The following C8orf34 variants were observed in gnomAD, a reference collection of about 807,000 sequenced individuals.
C8orf34 encodes the protein uncharacterized protein C8orf34.
In C8orf34, 65 loss-of-function variants were observed where a neutral mutation model predicts 68.3. That is an observed-to-expected ratio of 0.95 (90% CI 0.78 to 1.17). The LOEUF is 1.17. Among genes scored for constraint, C8orf34 ranks in the 50% most tolerant of loss-of-function variants. C8orf34 has a pLI of 0.00. For missense variants in C8orf34, 664 were observed against 655.4 expected, an observed-to-expected ratio of 1.01 and a Z score of -0.14; for synonymous variants, 244 against 241.2, an observed-to-expected ratio of 1.01 and a Z score of -0.11.
At chr8:68,484,136 G>A (rs1212857549) in intron 4 of C8orf34, among the ~76,000 whole-genome samples, 1 of 152,244 alleles carries the variant, frequency 6.6e-6, no homozygotes. Context: ...GGAACTAGCA[G>A]TCAAATGGCG....
intron 12 of C8orf34, among the ~76,000 whole-genome samples, chr8:68,797,886 G>A (rs980046406): frequency 6.6e-6 from 1 of 152,188 alleles, no homozygotes; most frequent in Non-Finnish European, 1.5e-5. Context: ...CAGGACTTTG[G>A]TGCTTTGTTA....
At chr8:68,437,234 T>G (rs1253827469) in intron 1 of C8orf34, among the ~76,000 whole-genome samples, 1 of 152,204 alleles carries the variant, frequency 6.6e-6, no homozygotes, top group Non-Finnish European at 1.5e-5. Context: ...TAATCCATCT[T>G]CTAAAGAAAA....
chr8:68,794,480 T>C (rs991257196), intron 12 of C8orf34, among the ~76,000 whole-genome samples: 2 of 107,328 alleles, frequency 1.9e-5, no homozygotes, highest in Non-Finnish European at 3.4e-5. Flanking sequence ...TATATAAATA[T>C]AAATATATAT....
chr8:68,652,329 A>G (rs899691109), intron 8 of C8orf34, among the ~76,000 whole-genome samples: 6 of 152,224 alleles, frequency 3.9e-5, no homozygotes, highest in Admixed American at 3.9e-4. Context: ...TTTATCAGAT[A>G]CATGGTTTGC....
chr8:68,529,743 T>A (rs1815166147), intron 6 of C8orf34, among the ~76,000 whole-genome samples: 1 of 152,216 alleles, frequency 6.6e-6, no homozygotes, highest in Admixed American at 6.5e-5. Context: ...TAAGTAGGCA[T>A]GTTTTGATAA....
intron 12 of C8orf34, among the ~76,000 whole-genome samples, chr8:68,806,089 C>T (rs2129529750): frequency 6.6e-6 from 1 of 152,052 alleles, no homozygotes; most frequent in South Asian, 2.1e-4. Flanking sequence ...TATATTTTAG[C>T]TTTGTAAAAC....
intron 8 of C8orf34, among the ~76,000 whole-genome samples, chr8:68,656,096 C>T (rs564738291): frequency 1.3e-5 from 2 of 152,226 alleles, no homozygotes; most frequent in Admixed American, 6.5e-5. Context: ...CTCTCCTCTT[C>T]CAGGTTATGT....
chr8:68,596,104 C>T (rs1055320443), intron 7 of C8orf34, among the ~76,000 whole-genome samples: 5 of 152,028 alleles, frequency 3.3e-5, no homozygotes, highest in Non-Finnish European at 5.9e-5. Context: ...TTTTGCCCCT[C>T]GAGTGCCTTA....
chr8:68,470,346 T>C (rs375117250), intron 4 of C8orf34, among the ~76,000 whole-genome samples: 71 of 152,234 alleles, frequency 4.7e-4, no homozygotes, highest in African/African-American at 1.3e-3. Flanking sequence ...ATTGTAAAGA[T>C]TTTCAAATAC....
intron 8 of C8orf34, among the ~76,000 whole-genome samples, chr8:68,647,407 T>C (rs1374712532): frequency 6.6e-6 from 1 of 152,154 alleles, no homozygotes; most frequent in African/African-American, 2.4e-5. Flanking sequence ...AAAGTCAAAA[T>C]AGAATTACTA....
Position 68,592,593 on chromosome 8 carries a change from C to CT in C8orf34, c.1106-47781dup, listed in dbSNP as rs1444802100. Among the ~76,000 whole-genome samples the CT allele has an allele frequency of 6.0e-5, 7 of 116,794 alleles. 1 individual carries two copies. The highest frequency in any genetic ancestry group is 5.8e-3 in the Middle Eastern group (1 of 172). The allele number at this position is 116,794 out of a possible 152,430, so 76.6% of individuals were successfully genotyped here. ...ATAACTGCAGTTTATCAATTTATCTCTTCTTTTTTTTTTTTTTTTTTTTTT... is the reference window on the plus strand; with the variant it reads ...ATAACTGCAGTTTATCAATTTATCTCTTTCTTTTTTTTTTTTTTTTTTTTTT... On this transcript the variant is annotated intron_variant, in intron 7 of 13. Coordinates refer to ENST00000518698, the MANE Select transcript of C8orf34 (RefSeq NM_052958.4).
intron 6 of C8orf34, among the ~76,000 whole-genome samples, chr8:68,526,684 G>A (rs1174295538): frequency 1.5e-5 from 1 of 65,862 alleles, no homozygotes; most frequent in Admixed American, 1.4e-4. Flanking sequence ...AATGACTGGA[G>A]TCAAAAAAAA....
At chr8:68,483,119 A>G (rs1812930162) in intron 4 of C8orf34, among the ~76,000 whole-genome samples, 1 of 152,178 alleles carries the variant, frequency 6.6e-6, no homozygotes, top group African/African-American at 2.4e-5. Context: ...GTTTCCTATA[A>G]CTACAACCTA....
chr8:68,665,636 A>G (rs532375998), intron 8 of C8orf34, among the ~76,000 whole-genome samples: 6 of 152,286 alleles, frequency 3.9e-5, no homozygotes, highest in African/African-American at 1.4e-4. Context: ...CATGTCAACT[A>G]GATTCCAGTC....
chr8:68,774,987 C>A, intron 10 of C8orf34, among the ~76,000 whole-genome samples: 1 of 96,086 alleles, frequency 1.0e-5, no homozygotes, highest in African/African-American at 4.8e-5. Context: ...CGGGGTGGCA[C>A]ATGTCTGTAG....
chr8:68,410,638 G>A (rs1809404331), intron 1 of C8orf34, among the ~76,000 whole-genome samples: 1 of 152,124 alleles, frequency 6.6e-6, no homozygotes, highest in Non-Finnish European at 1.5e-5. Flanking sequence ...TTCCTCTGGA[G>A]GTAGAGCGCT....
chr8:68,708,172 G>A (rs1020914539), intron 8 of C8orf34, among the ~76,000 whole-genome samples: 40 of 152,076 alleles, frequency 2.6e-4, no homozygotes, highest in African/African-American at 8.9e-4. Context: ...TAATAAGTAA[G>A]TATAAATGTA....
intron 9 of C8orf34, among the ~76,000 whole-genome samples, chr8:68,713,085 A>G (rs1390506723): frequency 6.6e-6 from 1 of 152,176 alleles, no homozygotes; most frequent in East Asian, 1.9e-4. Flanking sequence ...TGGGTCAACA[A>G]GGAAATCAAG....
intron 3 of C8orf34, among the ~76,000 whole-genome samples, chr8:68,463,611 T>A (rs1278911422): frequency 3.3e-5 from 5 of 152,180 alleles, no homozygotes; most frequent in Non-Finnish European, 5.9e-5. Context: ...CTGGGCTTCA[T>A]CCCTGGGATG....
Sources: gnomAD v4.1 joint callset for allele counts (sites outside exome capture counted in the v4.1 genomes callset) on GRCh38, gnomAD v4.1.1 for gene constraint, MANE v1.5 for transcripts, NCBI Gene and HGNC (gene_info 2026-07-23, HGNC 2026-07-21) for gene names.